Variants in SBF2 observed in about 807,000 individuals in gnomAD.
The protein encoded by SBF2 is myotubularin-related protein 13.
A neutral mutation model predicts 225.2 loss-of-function variants in SBF2; 112 were observed. The ratio of observed to expected loss-of-function variants is 0.50; its 90% CI spans 0.43 to 0.58. The LOEUF is 0.58. Ranked by LOEUF, SBF2 falls within the 20% of genes least tolerant of loss-of-function variation. The pLI, the probability that SBF2 is intolerant of heterozygous loss-of-function variation, is 0.00. For synonymous variants in SBF2, 763 were observed against 773.3 expected (o/e 0.99, Z 0.22); for missense variants, 1,996 against 2,206.2 (o/e 0.90, Z 1.91).
intron 17 of SBF2, among the ~76,000 whole-genome samples, chr11:9,875,819 T>C (rs1457747446): frequency 2.6e-5 from 4 of 152,188 alleles, no homozygotes; most frequent in Non-Finnish European, 5.9e-5. Flanking sequence ...TATCAAAAAT[T>C]TGCAGAAGCT....
chr11:10,099,350 T>C (rs1164038341), intron 2 of SBF2, among the ~76,000 whole-genome samples: 3 of 152,138 alleles, frequency 2.0e-5, no homozygotes, highest in Non-Finnish European at 4.4e-5. Flanking sequence ...CCAAGAATAC[T>C]ATAACTAGCA....
intron 17 of SBF2, among the ~76,000 whole-genome samples, chr11:9,887,723 G>C (rs1275182843): frequency 2.0e-5 from 3 of 151,362 alleles, no homozygotes; most frequent in African/African-American, 7.3e-5. Flanking sequence ...TTTTTCTGCT[G>C]ACTAATTTAT....
At chr11:10,260,624 AC>A (rs1961334902) in intron 1 of SBF2, among the ~76,000 whole-genome samples, 1 of 148,514 alleles carries the variant, frequency 6.7e-6, no homozygotes, top group Admixed American at 6.8e-5. Flanking sequence ...AATGGTGTGA[AC>A]CCAGGAGGCA....
chr11:9,856,441 T>C lies in SBF2; in HGVS notation c.2363+17A>G. 1 of 1,613,280 alleles carries C rather than the reference T, an allele frequency of 6.2e-7. No individual in the cohort carries two copies. The highest frequency in any genetic ancestry group is 8.5e-7 in the Non-Finnish European group (1 of 1,180,008). Reference sequence around the variant, plus strand: ...AAGAAGAGTAGGAGGAGGGTCTGTGTGTTCACATTTTGGTACCTGTTTGTG... The same window carrying C: ...AAGAAGAGTAGGAGGAGGGTCTGTGCGTTCACATTTTGGTACCTGTTTGTG... On this transcript the variant is annotated intron_variant, in intron 19 of 39. Transcript: ENST00000256190.
intron 14 of SBF2, among the ~76,000 whole-genome samples, chr11:9,964,190 G>A (rs761169718): frequency 2.6e-5 from 4 of 152,162 alleles, no homozygotes; most frequent in Admixed American, 6.5e-5. Flanking sequence ...CCAAGTCTGC[G>A]GTGAGCTAGG....
intron 2 of SBF2, among the ~76,000 whole-genome samples, chr11:10,048,142 G>A (rs1565171938): frequency 6.6e-6 from 1 of 152,116 alleles, no homozygotes; most frequent in Non-Finnish European, 1.5e-5. Flanking sequence ...AAAATCTGCA[G>A]ATAATCAAGT....
intron 1 of SBF2, among the ~76,000 whole-genome samples, chr11:10,225,027 T>G (rs190277876): frequency 6.6e-6 from 1 of 152,164 alleles, no homozygotes; most frequent in Non-Finnish European, 1.5e-5. Context: ...TTAAATAGGT[T>G]TGCCATCTTG....
intron 1 of SBF2, among the ~76,000 whole-genome samples, chr11:10,224,840 T>A (rs1244281223): frequency 6.6e-6 from 1 of 152,204 alleles, no homozygotes; most frequent in Non-Finnish European, 1.5e-5. Flanking sequence ...GTTTTGCTTT[T>A]ATTGCCTAAG....
intron 17 of SBF2, among the ~76,000 whole-genome samples, chr11:9,862,424 A>G (rs981435192): frequency 2.6e-5 from 4 of 152,224 alleles, no homozygotes; most frequent in African/African-American, 9.6e-5. Context: ...GGTAAGGTAA[A>G]TATTTCAGGT....
At chr11:10,028,861 G>C (rs1949146776) in intron 5 of SBF2, among the ~76,000 whole-genome samples, 1 of 152,090 alleles carries the variant, frequency 6.6e-6, no homozygotes, top group East Asian at 1.9e-4. Context: ...GGCTCATAAA[G>C]CAATTCAAGT....
At chr11:9,974,553 T>C (rs1452650800) in intron 13 of SBF2, among the ~76,000 whole-genome samples, 1 of 149,990 alleles carries the variant, frequency 6.7e-6, no homozygotes, top group Admixed American at 6.7e-5. Flanking sequence ...CAGCTAACAG[T>C]CCTATACTCT....
intron 2 of SBF2, among the ~76,000 whole-genome samples, chr11:10,146,181 T>C (rs1259460591): frequency 6.6e-6 from 1 of 152,162 alleles, no homozygotes; most frequent in East Asian, 1.9e-4. Context: ...GCTATTCCTA[T>C]CAGACTATCA....
chr11:9,877,411 T>G (rs1859346363), intron 17 of SBF2, among the ~76,000 whole-genome samples: 1 of 152,192 alleles, frequency 6.6e-6, no homozygotes, highest in Non-Finnish European at 1.5e-5. Context: ...TTTTTTAAAA[T>G]TATACTTTAA....
intron 2 of SBF2, among the ~76,000 whole-genome samples, chr11:10,138,303 G>A (rs1029371661): frequency 3.9e-5 from 6 of 151,998 alleles, no homozygotes; most frequent in South Asian, 2.1e-4. Flanking sequence ...TCATTAACTC[G>A]TTGATGACTG....
intron 2 of SBF2, among the ~76,000 whole-genome samples, chr11:10,093,397 C>CA (rs1290901455): frequency 2.5e-4 from 35 of 137,308 alleles, no homozygotes; most frequent in Admixed American, 5.2e-4. Flanking sequence ...AAAAAAAAAA[C>CA]AAAAAAAAAT....
At chr11:9,881,829 G>T (rs138446257) in intron 17 of SBF2, among the ~76,000 whole-genome samples, 225 of 151,100 alleles carry the variant, frequency 1.5e-3, no homozygotes, top group African/African-American at 2.0e-3. Flanking sequence ...AAAAAAATAA[G>T]AAGAAGAAAT....
At chr11:9,785,880 T>G (rs1431432231) in intron 36 of SBF2, among the ~76,000 whole-genome samples, 1 of 152,066 alleles carries the variant, frequency 6.6e-6, no homozygotes, top group Non-Finnish European at 1.5e-5. Flanking sequence ...GATGGTTTTT[T>G]TTTTGAGACA....
In SBF2 at chr11:9,839,529, C is replaced by T. The variant is rs1333338011; in HGVS notation, c.3424G>A (p.Ala1142Thr). ...CAGAGTGAATACATCCTGTTGGAGG[C>T]AGTAATTCTAAAATACTCGGGTCTT... ...RSRPEYFRIT[A>T]SNRMYSLCRS... is the part of the protein sequence containing the mutation. The change falls in exon 26 of 40, where the codon GCC becomes ACC. Residue 1142 changes from alanine (A) to threonine (T), a missense_variant. Ala to Thr is a moderately conservative substitution (Grantham distance 58, BLOSUM62 0). Coordinates refer to ENST00000256190, the MANE Select transcript of SBF2 (RefSeq NM_030962.4). 6.2e-7 allele frequency: 1 copy of T among 1,614,176 alleles called. No homozygotes were observed. The highest frequency in any genetic ancestry group is 8.5e-7 in the Non-Finnish European group (1 of 1,180,028).
chr11:10,215,206 A>G (rs1017497069), intron 1 of SBF2, among the ~76,000 whole-genome samples: 1 of 152,210 alleles, frequency 6.6e-6, no homozygotes, highest in Non-Finnish European at 1.5e-5. Flanking sequence ...AGTGCATCTG[A>G]AGGGTGGAAC....
Sources: allele counts gnomAD v4.1 joint callset (sites outside exome capture counted in the v4.1 genomes callset), GRCh38; gene constraint gnomAD v4.1.1; transcripts MANE v1.5; gene names NCBI Gene and HGNC (gene_info 2026-07-23, HGNC 2026-07-21).